Variants in FOXN3 observed in about 807,000 individuals in gnomAD.
FOXN3 encodes forkhead box protein N3.
In FOXN3, 7 loss-of-function variants were observed where a neutral mutation model predicts 38.4. That is an observed-to-expected ratio of 0.18 (90% confidence interval 0.10 to 0.34). The LOEUF is 0.34. FOXN3 is among the 10% of genes least tolerant of loss of function. The pLI is 1.00. For synonymous variants in FOXN3, 230 were observed against 242.2 expected (o/e 0.95, Z 0.47); for missense variants, 456 against 613.4 (o/e 0.74, Z 2.71).
Position 89,257,129 on chromosome 14 carries a change from G to A in FOXN3, c.745+23821C>T, listed in dbSNP as rs557537530. Among the ~76,000 whole-genome samples, 3 of 152,314 alleles carry A rather than the reference G, an allele frequency of 2.0e-5. No homozygotes were observed. In the South Asian group the frequency reaches 6.2e-4, roughly 32 times the overall value. ...AGAGTCCCCCAGGGCTAGGGCAGGA[G>A]GAGGTGGCTCCATCCACCACCATCA... is the stretch of plus-strand genomic sequence containing the variant. On this transcript the variant is annotated intron_variant, in intron 4 of 5. Transcript: ENST00000557258.
chr14:89,553,506 G>T (rs1015333906), intron 1 of FOXN3, among the ~76,000 whole-genome samples: 5 of 151,264 alleles, frequency 3.3e-5, no homozygotes, highest in African/African-American at 1.2e-4. Flanking sequence ...AGGTAAAAAT[G>T]ACCAAATACT....
intron 1 of FOXN3, among the ~76,000 whole-genome samples, chr14:89,445,037 G>A (rs1008193226): frequency 8.6e-5 from 13 of 151,942 alleles, no homozygotes; most frequent in Admixed American, 3.3e-4. Flanking sequence ...ATGGGAGATC[G>A]CTTGAGCCCA....
At chr14:89,535,837 G>C (rs1028680422) in intron 1 of FOXN3, among the ~76,000 whole-genome samples, 4 of 152,234 alleles carry the variant, frequency 2.6e-5, no homozygotes, top group Non-Finnish European at 5.9e-5. Flanking sequence ...TCCCCAAAAG[G>C]ATGAAGTCAG....
At chr14:89,372,647 T>A (rs756387447) in intron 2 of FOXN3, among the ~76,000 whole-genome samples, 7 of 151,774 alleles carry the variant, frequency 4.6e-5, no homozygotes, top group Non-Finnish European at 1.0e-4. Flanking sequence ...ATTTACTAGG[T>A]CAGGGTAACC....
intron 2 of FOXN3, among the ~76,000 whole-genome samples, chr14:89,402,543 G>T (rs1358962983): frequency 6.6e-6 from 1 of 152,182 alleles, no homozygotes; most frequent in East Asian, 1.9e-4. Context: ...CCATTTCCCA[G>T]GCTTCCTTGC....
chr14:89,397,619 C>G (rs1259070382), intron 2 of FOXN3, among the ~76,000 whole-genome samples: 1 of 151,944 alleles, frequency 6.6e-6, no homozygotes, highest in Non-Finnish European at 1.5e-5. Flanking sequence ...TCAAAACCCC[C>G]CAGTCTAGCT....
chr14:89,494,994 A>G (rs555386290), intron 1 of FOXN3, among the ~76,000 whole-genome samples: 1 of 152,314 alleles, frequency 6.6e-6, no homozygotes, highest in South Asian at 2.1e-4. Flanking sequence ...AGTCAAACTC[A>G]TTCACTGCAC....
At chr14:89,599,564 TTG>T (rs201234435) in intron 1 of FOXN3, among the ~76,000 whole-genome samples, 2,480 of 137,822 alleles carry the variant, frequency 0.018, 65 homozygotes, top group African/African-American at 0.073. Context: ...TTATTTTTTA[TTG>T]TTTTTTTTAA....
chr14:89,440,970 T>C (rs547594486), intron 1 of FOXN3, among the ~76,000 whole-genome samples: 2 of 152,172 alleles, frequency 1.3e-5, no homozygotes, highest in South Asian at 4.1e-4. Flanking sequence ...TGGGTTCACG[T>C]GTCCAAGCCA....
At chr14:89,239,291 T>A (rs980005813) in intron 4 of FOXN3, among the ~76,000 whole-genome samples, 2 of 152,212 alleles carry the variant, frequency 1.3e-5, no homozygotes, top group Non-Finnish European at 2.9e-5. Context: ...ATTTCAGCCA[T>A]CCATCTTCCT....
chr14:89,214,851 T>C (rs1884219878), intron 4 of FOXN3, among the ~76,000 whole-genome samples: 3 of 152,372 alleles, frequency 2.0e-5, no homozygotes, highest in Admixed American at 2.0e-4. Flanking sequence ...TTGGGAGTAA[T>C]ACAATTCCAT....
chr14:89,488,425 C>T (rs1050702922), intron 1 of FOXN3, among the ~76,000 whole-genome samples: 8 of 151,868 alleles, frequency 5.3e-5, no homozygotes, highest in African/African-American at 1.2e-4. Flanking sequence ...GTGGGCACAT[C>T]GCTTGAGCCC....
Position 89,173,178 on chromosome 14 carries a change from A to T in FOXN3, c.851+7523T>A, listed in dbSNP as rs189668115. ...AAACAGGAAATCCATAAAATAATAT[A>T]TTCAAAGAGCCCCTTAAATATATGA... On this transcript the variant is annotated intron_variant, in intron 5 of 5. Transcript: ENST00000557258. Among the ~76,000 whole-genome samples, 194 of 152,366 alleles carry T rather than the reference A, an allele frequency of 1.3e-3. 2 individuals are homozygous for T. The highest frequency in any genetic ancestry group is 4.4e-3 in the African/African-American group (185 of 41,590).
At chr14:89,363,972 ATATATATATATATAT>A (rs1566968969) in intron 2 of FOXN3, among the ~76,000 whole-genome samples, 29 of 40,980 alleles carry the variant, frequency 7.1e-4, no homozygotes, top group Admixed American at 4.9e-3. Context: ...ATATATATAT[ATATATATATATATAT>A]AATATATATA....
intron 4 of FOXN3, among the ~76,000 whole-genome samples, chr14:89,234,464 C>A (rs1418954692): frequency 6.6e-6 from 1 of 152,104 alleles, no homozygotes. Context: ...TGAATTGAAA[C>A]CCCAGTGTTG....
intron 1 of FOXN3, among the ~76,000 whole-genome samples, chr14:89,599,976 C>T (rs1365705092): frequency 6.6e-6 from 1 of 152,182 alleles, no homozygotes; most frequent in Non-Finnish European, 1.5e-5. Context: ...AACTCAAAAG[C>T]AGAGTTCACC....
intron 5 of FOXN3, among the ~76,000 whole-genome samples, chr14:89,180,325 A>G (rs985379872): frequency 6.6e-6 from 1 of 152,184 alleles, no homozygotes; most frequent in Non-Finnish European, 1.5e-5. Flanking sequence ...GAAGGAACTG[A>G]GCCCAGAGTC....
chr14:89,582,174 T>C (rs999766736), intron 1 of FOXN3, among the ~76,000 whole-genome samples: 2 of 152,162 alleles, frequency 1.3e-5, no homozygotes, highest in African/African-American at 4.8e-5. Context: ...GTGGGAAGCA[T>C]GTAAATCATT....
chr14:89,318,157 C>CTT (rs761579795), intron 3 of FOXN3, among the ~76,000 whole-genome samples: 11 of 74,964 alleles, frequency 1.5e-4, no homozygotes, highest in African/African-American at 5.4e-4. Flanking sequence ...TCTTCTTCTT[C>CTT]TTCTCTTTTT....
Sources: allele counts gnomAD v4.1 joint callset (sites outside exome capture counted in the v4.1 genomes callset), GRCh38; gene constraint gnomAD v4.1.1; transcripts MANE v1.5; gene names NCBI Gene and HGNC (gene_info 2026-07-23, HGNC 2026-07-21).